PFKFB2: variants seen among roughly 807,000 people sequenced by gnomAD.
PFKFB2 encodes 6-phosphofructo-2-kinase/fructose-2,6-biphosphatase 2.
Under a neutral mutation model 68.0 loss-of-function variants are expected in PFKFB2, and 53 were observed. The ratio of observed to expected loss-of-function variants is 0.78; its 90% CI spans 0.63 to 0.98. The LOEUF is 0.98. PFKFB2 is among the 50% of genes least tolerant of loss of function. PFKFB2 has a pLI of 0.00. For missense variants in PFKFB2, 451 were observed against 642.0 expected (o/e 0.70, Z 3.22); for synonymous variants, 222 against 227.6 (o/e 0.98, Z 0.22).
intron 1 of PFKFB2, among the ~76,000 whole-genome samples, chr1:207,034,783 A>G (rs1682346254): frequency 6.6e-6 from 1 of 152,222 alleles, no homozygotes; most frequent in Non-Finnish European, 1.5e-5. Flanking sequence ...TAAACATCAC[A>G]GTCGAAGTTA....
intron 7 of PFKFB2, among the ~76,000 whole-genome samples, chr1:207,064,728 C>G (rs550026796): frequency 2.6e-5 from 4 of 152,208 alleles, no homozygotes; most frequent in Non-Finnish European, 5.9e-5. Flanking sequence ...AACATTGGAG[C>G]CTGTTCTGTT....
At chr1:207,041,309 G>A (rs931366896) in intron 1 of PFKFB2, among the ~76,000 whole-genome samples, 1 of 151,182 alleles carries the variant, frequency 6.6e-6, no homozygotes, top group African/African-American at 2.4e-5. Flanking sequence ...AGGTATACAT[G>A]TGCCATGGTG....
Position 207,068,264 on chromosome 1 carries a change from C to T in PFKFB2, c.942C>T (p.Leu314=), listed in dbSNP as rs376434591. The change falls in exon 10 of 15, where the codon CTC becomes CTT. Residue 314 remains leucine, a synonymous_variant. Coordinates refer to ENST00000367080, the MANE Select transcript of PFKFB2 (RefSeq NM_006212.2). ...GGACCATACAGACTGCTGAATCTCT[C>T]GGGGTGCCCTATGAGCAGTGGAAGA... ...LKRTIQTAES[L]GVPYEQWKIL... is the part of the protein sequence containing the mutation. The T allele has an allele frequency of 1.4e-5, 23 of 1,609,312 alleles. No individual in the cohort carries two copies. In the African/African-American group the frequency reaches 2.4e-4, roughly 17 times the overall value.
At chr1:207,079,079 A>G (rs1218269827), downstream of PFKFB2, 15 of 1,415,384 alleles carry the variant, frequency 1.1e-5, 3 homozygotes, top group South Asian at 1.7e-4. Context: ...AAAGCTTGGG[A>G]TGTCAGCTTC....
At chr1:207,039,554 T>C (rs908229099) in intron 1 of PFKFB2, among the ~76,000 whole-genome samples, 2 of 152,188 alleles carry the variant, frequency 1.3e-5, no homozygotes, top group African/African-American at 4.8e-5. Flanking sequence ...CCTGACAAAT[T>C]CTTACGAAAC....
At chr1:207,077,889 T>C (rs867409097), downstream of PFKFB2, 8 of 755,526 alleles carry the variant, frequency 1.1e-5, no homozygotes, top group South Asian at 4.2e-4. Context: ...CCCTAAAACT[T>C]TGCCTCATGC....
chr1:207,068,142 A>G (rs2808463), intron 9 of PFKFB2, 21 bp from the exon 10 acceptor site: 1 of 1,573,882 alleles, frequency 6.4e-7, no homozygotes, highest in Non-Finnish European at 8.6e-7. Flanking sequence ...TTTACCCTTA[A>G]TTTTCATTTT....
chr1:207,056,329 A>C (rs148571910), intron 2 of PFKFB2, among the ~76,000 whole-genome samples: 2 of 151,034 alleles, frequency 1.3e-5, no homozygotes, highest in East Asian at 3.9e-4. Flanking sequence ...TCAGTAAAAA[A>C]TGTTTTCTTC....
chr1:207,080,904 C>T (rs943636063), downstream of PFKFB2: 7 of 151,790 alleles, frequency 4.6e-5, no homozygotes, highest in Non-Finnish European at 1.0e-4. Flanking sequence ...AAGTGTAAAC[C>T]AAGAGATGCA....
In PFKFB2 at chr1:207,073,194, TC is replaced by T; in HGVS notation, c.*824del. ...TCTGGCTCTGAGCATGTGGGAAATGTCTTGGTTTTTATTTTTAATTTAGAGT... is the reference window on the plus strand; with the variant it reads ...TCTGGCTCTGAGCATGTGGGAAATGTTTGGTTTTTATTTTTAATTTAGAGT... On this transcript the variant is annotated 3_prime_UTR_variant, in exon 15 of 15. Coordinates refer to ENST00000367080, the MANE Select transcript of PFKFB2 (RefSeq NM_006212.2). The T allele has an allele frequency of 1.0e-6, 1 of 985,532 alleles. No individual in the cohort carries two copies. The highest frequency in any genetic ancestry group is 6.1e-5 in the Admixed American group (1 of 16,286). The allele number at this position is 985,532 out of a possible 1,614,324, so 61.0% of individuals were successfully genotyped here.
At chr1:207,061,901 A>G in intron 2 of PFKFB2, 52 bp from the exon 3 acceptor site, 1 of 1,524,054 alleles carries the variant, frequency 6.6e-7, no homozygotes, top group South Asian at 1.1e-5. Context: ...ACACCAAAAA[A>G]CCTTACTAGG....
At chr1:207,066,135 C>G (rs1466922116) in intron 8 of PFKFB2, among the ~76,000 whole-genome samples, 3 of 152,122 alleles carry the variant, frequency 2.0e-5, no homozygotes, top group Non-Finnish European at 1.5e-5. Context: ...AATGTCTGAT[C>G]AATGCCAGCT....
intron 7 of PFKFB2, among the ~76,000 whole-genome samples, chr1:207,064,657 A>T (rs968355485): frequency 1.3e-5 from 2 of 152,280 alleles, no homozygotes; most frequent in South Asian, 4.1e-4. Context: ...TCTGAGGAAG[A>T]GCCATCTGGT....
upstream of PFKFB2, chr1:207,051,048 G>C: frequency 2.0e-6 from 3 of 1,486,282 alleles, no homozygotes; most frequent in Non-Finnish European, 1.8e-6. Flanking sequence ...AGTTGCGGGT[G>C]GTTGCAGTTA....
upstream of PFKFB2, chr1:207,052,416 C>T (rs1268323308): frequency 3.8e-6 from 2 of 533,088 alleles, no homozygotes; most frequent in East Asian, 3.3e-5. Flanking sequence ...AATCCCAGCA[C>T]TTTGGGAGGC....
chr1:207,051,147 A>G (rs1054710960), upstream of PFKFB2: 27 of 1,421,078 alleles, frequency 1.9e-5, no homozygotes, highest in Middle Eastern at 2.6e-4. Flanking sequence ...CCACCCTCAG[A>G]ACGAAGATGT....
intron 2 of PFKFB2, among the ~76,000 whole-genome samples, chr1:207,057,432 C>T (rs569839173): frequency 4.0e-5 from 6 of 149,260 alleles, no homozygotes; most frequent in African/African-American, 7.4e-5. Context: ...GAGCCGAGAT[C>T]GCGCCACTGC....
rs150812063 is a variant in PFKFB2, at chr1:207,059,826, A to T, written c.86-2127A>T. Among the ~76,000 whole-genome samples, 318 of 152,312 alleles carry T rather than the reference A, an allele frequency of 2.1e-3. 1 individual carries two copies. The highest frequency in any genetic ancestry group is 7.3e-3 in the African/African-American group (303 of 41,576). ...TGAGATCTTTCTACATTTATTTCTC[A>T]AAAAATGAAAGTCATATTTCCCATC... On this transcript the variant is annotated intron_variant, in intron 2 of 14. Coordinates refer to ENST00000367080, the MANE Select transcript of PFKFB2 (RefSeq NM_006212.2).
chr1:207,064,929 G>C, intron 7 of PFKFB2, 107 bp from the exon 8 acceptor site: 1 of 1,312,322 alleles, frequency 7.6e-7, no homozygotes, highest in Non-Finnish European at 1.0e-6. Flanking sequence ...TCCAGTGAAA[G>C]GCGACATTTA....
Sources: allele counts gnomAD v4.1 joint callset (sites outside exome capture counted in the v4.1 genomes callset), GRCh38; gene constraint gnomAD v4.1.1; transcripts MANE v1.5; gene names NCBI Gene and HGNC (gene_info 2026-07-23, HGNC 2026-07-21).